CTNNA2: variants seen among roughly 807,000 people sequenced by gnomAD.
CTNNA2 encodes catenin alpha-2.
A neutral mutation model predicts 101.0 loss-of-function variants in CTNNA2; 42 were observed. The observed-to-expected ratio is 0.42, with a 90% confidence interval of 0.32 to 0.54. The LOEUF (loss-of-function observed/expected upper bound fraction) is 0.54. Among genes scored for constraint, CTNNA2 ranks in the 20% least tolerant of loss-of-function variants. The probability of loss-of-function intolerance (pLI) is 0.14; values close to 1 mark genes in which losing one functional copy is unlikely to be tolerated. For missense variants in CTNNA2, 871 were observed against 1,223.1 expected, an observed-to-expected ratio of 0.71 and a Z score of 4.29; for synonymous variants, 450 against 456.4, an observed-to-expected ratio of 0.99 and a Z score of 0.18.
At chr2:80,339,734 A>G (rs570513698) in intron 7 of CTNNA2, among the ~76,000 whole-genome samples, 3 of 152,216 alleles carry the variant, frequency 2.0e-5, no homozygotes, top group Non-Finnish European at 2.9e-5. Context: ...TAATAAAGCC[A>G]TGAGAGGAAA....
At chr2:80,288,617 G>C (rs778983396) in intron 7 of CTNNA2, 1 of 152,226 alleles carries the variant, frequency 6.6e-6, no homozygotes, top group Non-Finnish European at 1.5e-5. Flanking sequence ...GACTGGCCCA[G>C]ATTCTTCAGC....
At chr2:79,458,880 C>T (rs1192310996) in intron 4 of CTNNA2, among the ~76,000 whole-genome samples, 11 of 152,044 alleles carry the variant, frequency 7.2e-5, no homozygotes, top group Non-Finnish European at 1.5e-5. Flanking sequence ...CACTGTGAAA[C>T]TTATTCCCCT....
intron 8 of CTNNA2, among the ~76,000 whole-genome samples, chr2:80,411,435 T>C (rs961976779): frequency 6.6e-6 from 1 of 152,172 alleles, no homozygotes; most frequent in African/African-American, 2.4e-5. Flanking sequence ...GGTGTCCATC[T>C]GCCATGGGTT....
chr2:80,502,831 C>T (rs933670227), intron 9 of CTNNA2, among the ~76,000 whole-genome samples: 2 of 152,142 alleles, frequency 1.3e-5, no homozygotes, highest in Non-Finnish European at 1.5e-5. Context: ...AACCTTCTTC[C>T]CGAGTCATTC....
chr2:79,190,211 T>C (rs1673835066), intron 1 of CTNNA2, among the ~76,000 whole-genome samples: 1 of 152,000 alleles, frequency 6.6e-6, no homozygotes, highest in African/African-American at 2.4e-5. Context: ...ATTGTTCAAA[T>C]CCTTTACATT....
rs960502641 is a variant in CTNNA2 at position 79,667,739 on chromosome 2, A to G, written c.102+16081A>G. ...CTTTTATTACTAGCTATTCATGTAG[A>G]AGCATAATCAATCCTAGCATACTGA... On this transcript the variant is annotated intron_variant, in intron 2 of 18. Coordinates refer to ENST00000402739, the MANE Select transcript of CTNNA2 (RefSeq NM_001282597.3). Among the ~76,000 whole-genome samples, 5 of 152,232 alleles carry G rather than the reference A, an allele frequency of 3.3e-5. No individual in the cohort carries two copies. The East Asian group carries it at 9.6e-4, about 29-fold the overall frequency.
chr2:79,654,338 G>T (rs555316070), intron 2 of CTNNA2, among the ~76,000 whole-genome samples: 2 of 152,244 alleles, frequency 1.3e-5, no homozygotes, highest in Admixed American at 6.5e-5. Context: ...CACATTTATT[G>T]TATAGTCCTG....
intron 15 of CTNNA2, among the ~76,000 whole-genome samples, chr2:80,600,537 A>G (rs149458123): frequency 1.2e-4 from 19 of 152,256 alleles, no homozygotes; most frequent in African/African-American, 4.6e-4. Context: ...AAAGATTTGA[A>G]AAGACAACTC....
At chr2:80,367,454 G>A (rs1031754227) in intron 7 of CTNNA2, among the ~76,000 whole-genome samples, 1 of 152,094 alleles carries the variant, frequency 6.6e-6, no homozygotes, top group Admixed American at 6.6e-5. Context: ...CTCCTGGCCT[G>A]TAGCAGACAT....
chr2:80,559,017 C>T (rs1412793716), intron 12 of CTNNA2, among the ~76,000 whole-genome samples: 2 of 152,074 alleles, frequency 1.3e-5, no homozygotes, highest in South Asian at 2.1e-4. Context: ...CCCTGGACTC[C>T]ACCTGCTAAA....
At chr2:79,921,119 T>C (rs1190887345) in intron 7 of CTNNA2, among the ~76,000 whole-genome samples, 2 of 152,158 alleles carry the variant, frequency 1.3e-5, no homozygotes, top group Admixed American at 6.5e-5. Context: ...GTAGGTACTG[T>C]GTTTGCAGAG....
At chr2:80,190,132 G>A (rs2148996014) in intron 7 of CTNNA2, among the ~76,000 whole-genome samples, 1 of 151,868 alleles carries the variant, frequency 6.6e-6, no homozygotes, top group East Asian at 2.0e-4. Flanking sequence ...GATTAATAGG[G>A]GTTAATGAGG....
intron 3 of CTNNA2, among the ~76,000 whole-genome samples, chr2:79,757,478 C>G (rs1232655788): frequency 6.6e-6 from 1 of 152,068 alleles, no homozygotes; most frequent in Admixed American, 6.6e-5. Context: ...CTAAACTTAC[C>G]AGTCTAAGTA....
intron 12 of CTNNA2, among the ~76,000 whole-genome samples, chr2:80,560,887 A>G (rs1193366373): frequency 6.6e-6 from 1 of 152,206 alleles, no homozygotes; most frequent in Non-Finnish European, 1.5e-5. Flanking sequence ...TTTCAGTAAC[A>G]CATTTAATAC....
intron 7 of CTNNA2, among the ~76,000 whole-genome samples, chr2:80,204,074 G>A (rs1399621528): frequency 1.3e-5 from 2 of 152,164 alleles, no homozygotes; most frequent in Admixed American, 6.5e-5. Flanking sequence ...TCCCTAGACT[G>A]CACACAGCAG....
chr2:80,316,291 A>G (rs185601683), intron 7 of CTNNA2, among the ~76,000 whole-genome samples: 15 of 152,280 alleles, frequency 9.9e-5, no homozygotes, highest in African/African-American at 3.1e-4. Flanking sequence ...ATAAATATTT[A>G]AAAATACTGT....
intron 9 of CTNNA2, among the ~76,000 whole-genome samples, chr2:80,489,345 G>A (rs188657167): frequency 3.2e-4 from 48 of 152,200 alleles, no homozygotes; most frequent in Admixed American, 1.4e-3. Flanking sequence ...TCATTTTAAT[G>A]ATTGGCAATC....
At chr2:79,632,741 G>A (rs1200346086) in intron 1 of CTNNA2, among the ~76,000 whole-genome samples, 3 of 152,094 alleles carry the variant, frequency 2.0e-5, no homozygotes, top group Admixed American at 6.5e-5. Context: ...CAATGATTGG[G>A]GCATCCAAAA....
At chr2:79,701,856 G>A (rs1196089325) in intron 2 of CTNNA2, among the ~76,000 whole-genome samples, 1 of 151,952 alleles carries the variant, frequency 6.6e-6, no homozygotes, top group African/African-American at 2.4e-5. Context: ...ACAAAAATTG[G>A]CCAGGCATGA....
Sources: gnomAD v4.1 joint callset for allele counts (sites outside exome capture counted in the v4.1 genomes callset) on GRCh38, gnomAD v4.1.1 for gene constraint, MANE v1.5 for transcripts, NCBI Gene and HGNC (gene_info 2026-07-23, HGNC 2026-07-21) for gene names.